The following GORAB variants were observed in gnomAD, a reference collection of about 807,000 sequenced individuals.
GORAB encodes RAB6-interacting golgin.
GORAB carries 17 observed loss-of-function variants against 29.9 expected under a neutral mutation model. That is an observed-to-expected ratio of 0.57 (90% CI 0.39 to 0.85). GORAB has a LOEUF of 0.85. Ranked by LOEUF, GORAB falls within the 40% of genes least tolerant of loss-of-function variation. GORAB has a pLI of 0.00. For synonymous variants in GORAB, 183 were observed against 157.2 expected (o/e 1.16, Z -1.23); for missense variants, 442 against 437.8 (o/e 1.01, Z -0.09).
At chr1:170,548,255 CT>C (rs1649882320) in intron 4 of GORAB, among the ~76,000 whole-genome samples, 1 of 152,226 alleles carries the variant, frequency 6.6e-6, no homozygotes, top group Non-Finnish European at 1.5e-5. Context: ...AGTTATGTTG[CT>C]TTTTCTTCTC....
intron 4 of GORAB, among the ~76,000 whole-genome samples, chr1:170,551,556 C>T (rs1650103874): frequency 6.6e-6 from 1 of 152,188 alleles, no homozygotes; most frequent in African/African-American, 2.4e-5. Context: ...TGTGCTGAAG[C>T]TAGCTTACCC....
rs1354624598 is a variant in GORAB, at chr1:170,539,568, G to A, written c.419+1G>A. 2 of 1,613,650 alleles carry A rather than the reference G, an allele frequency of 1.2e-6. No homozygotes were observed. Among genetic ancestry groups the A allele is most frequent in the African/African-American group, 1.3e-5 (1 of 74,904 alleles). On this transcript the variant is annotated splice_donor_variant, in intron 2 of 4. Transcript: ENST00000367763. LOFTEE classifies it high-confidence loss of function. ...AATTGGAGAAAAAGAAAGTGGAATT[G>A]TTAGTAAGTCTATGTGAAAAGTCCA...
At chr1:170,533,521 CAAAGTTATGTGA>C (rs1231847101) in intron 1 of GORAB, 3 of 453,314 alleles carry the variant, frequency 6.6e-6, no homozygotes, top group Non-Finnish European at 1.3e-5. Context: ...AGACAAACCA[CAAAGTTATGTGA>C]TAGTAGATAT....
intron 1 of GORAB, among the ~76,000 whole-genome samples, chr1:170,534,063 G>C (rs1468909767): frequency 6.6e-6 from 1 of 152,154 alleles, no homozygotes; most frequent in Non-Finnish European, 1.5e-5. Context: ...GGAGACCCCT[G>C]TATGGGCATT....
chr1:170,552,000 T>C lies in GORAB; in HGVS notation c.663-15T>C. Reference sequence around the variant, plus strand: ...TGGAAAACTGATGGACCTATCTTTATACACATCCTTACAGGAAGCGGTTTG... The same window carrying C: ...TGGAAAACTGATGGACCTATCTTTACACACATCCTTACAGGAAGCGGTTTG... On this transcript the variant is annotated splice_polypyrimidine_tract_variant and intron_variant, in intron 4 of 4. Coordinates refer to ENST00000367763, the MANE Select transcript of GORAB (RefSeq NM_152281.3). 2 of 1,609,468 alleles carry C rather than the reference T, an allele frequency of 1.2e-6. No homozygotes were observed. The highest frequency in any genetic ancestry group is 1.7e-6 in the Non-Finnish European group (2 of 1,176,054).
In GORAB at chr1:170,553,810, C is replaced by G. The variant is rs1435057764; in HGVS notation, c.*1348C>G. 1 of 452,762 alleles carries G rather than the reference C, an allele frequency of 2.2e-6. No homozygotes were observed. Among genetic ancestry groups the G allele is most frequent in the Non-Finnish European group, 4.4e-6 (1 of 226,466 alleles). The allele number at this position is 452,762 out of a possible 1,614,324, so 28.0% of individuals were successfully genotyped here. On this transcript the variant is annotated 3_prime_UTR_variant, in exon 5 of 5. Coordinates refer to ENST00000367763, the MANE Select transcript of GORAB (RefSeq NM_152281.3). The stretch of plus-strand genomic sequence containing the variant: ...TTCATTGTCTAACACACTTCTTTTT[C>G]TAAGGAATAAACAAGTCTGATGTAC...
rs1323829311 is a variant in GORAB at position 170,539,470 on chromosome 1, A to G, written c.322A>G (p.Lys108Glu). The G allele has an allele frequency of 6.2e-7, 1 of 1,613,990 alleles. No homozygotes were observed. Among genetic ancestry groups the G allele is most frequent in the Non-Finnish European group, 8.5e-7 (1 of 1,179,994 alleles). The change falls in exon 2 of 5, where the codon AAG (lysine) becomes GAG (glutamate). Residue 108 changes from lysine (K) to glutamate (E), a missense_variant. Transcript: ENST00000367763. ...GQPQGIESQP[K>E]ELGLENSHDG... Reference sequence around the variant, plus strand: ...ACCACAGGGCATTGAAAGTCAGCCAAAGGAACTGGGACTTGAGAATTCCCA... The same window carrying G: ...ACCACAGGGCATTGAAAGTCAGCCAGAGGAACTGGGACTTGAGAATTCCCA...
At position 170,539,325 on chromosome 1, in the gene GORAB, A is replaced by T; in HGVS notation, c.177A>T (p.Ser59=). Residue 59 remains serine (S), a synonymous_variant, in exon 2 of 5, where the codon TCA becomes TCT. Transcript: ENST00000367763. ...QKLGLQDGST[S]LLPEQLLSAP... is the part of the protein sequence containing the mutation. ...TTGGGCTTCAAGATGGATCAACCTC[A>T]TTACTTCCAGAGCAGCTGCTTTCAG... The T allele has an allele frequency of 6.2e-7, 1 of 1,614,176 alleles. No individual in the cohort carries two copies. Among genetic ancestry groups the T allele is most frequent in the South Asian group, 1.1e-5 (1 of 91,084 alleles).
intron 3 of GORAB, among the ~76,000 whole-genome samples, chr1:170,543,265 T>C (rs548421395): frequency 1.9e-4 from 29 of 152,364 alleles, no homozygotes; most frequent in African/African-American, 7.0e-4. Context: ...GCTGAGTTTG[T>C]AGTTTCTGTC....
At chr1:170,532,393 C>A in intron 1 of GORAB, 109 bp downstream of exon 1, 1 of 1,228,964 alleles carries the variant, frequency 8.1e-7, no homozygotes, top group Non-Finnish European at 1.2e-6. Context: ...TTTGTGTTAG[C>A]GGAAGGCGCT....
rs1650279404 is a variant in GORAB at position 170,553,802 on chromosome 1, T to C, written c.*1340T>C. On this transcript the variant is annotated 3_prime_UTR_variant, in exon 5 of 5. Coordinates refer to ENST00000367763, the MANE Select transcript of GORAB (RefSeq NM_152281.3). ...CCAACAGTTTCATTGTCTAACACAC[T>C]TCTTTTTCTAAGGAATAAACAAGTC... 1 of 453,142 alleles carries C rather than the reference T, an allele frequency of 2.2e-6. No homozygotes were observed. Among genetic ancestry groups the C allele is most frequent in the African/African-American group, 2.0e-5 (1 of 49,982 alleles). 28.1% of individuals were successfully genotyped at this position (453,142 alleles called of 1,614,324 possible). A position where few individuals can be genotyped will look rare whatever the true frequency, so the allele number is the denominator to read the frequency against.
chr1:170,545,101 C>T, intron 4 of GORAB: 1 of 1,132,738 alleles, frequency 8.8e-7, no homozygotes, highest in Admixed American at 4.5e-5. Flanking sequence ...TTAGTCTTTG[C>T]TGCGAAACCC....
rs978627592 is a variant in GORAB, at chr1:170,553,564, A to G, written c.*1102A>G. On this transcript the variant is annotated 3_prime_UTR_variant, in exon 5 of 5. Transcript: ENST00000367763. ...ATTATCAGAGAACATAAGCACAAGTATAAGATTGTATCCATAAAAGTTTCT... is the reference window on the plus strand; with the variant it reads ...ATTATCAGAGAACATAAGCACAAGTGTAAGATTGTATCCATAAAAGTTTCT... The G allele has an allele frequency of 4.5e-6, 2 of 447,458 alleles. No individual in the cohort carries two copies. The highest frequency in any genetic ancestry group is 8.9e-6 in the Non-Finnish European group (2 of 225,258). The allele number at this position is 447,458 out of a possible 1,614,324, so 27.7% of individuals were successfully genotyped here.
At chr1:170,544,565 C>A in intron 3 of GORAB, 140 bp from the exon 4 acceptor site, 1 of 602,214 alleles carries the variant, frequency 1.7e-6, no homozygotes, top group Non-Finnish European at 2.7e-6. Context: ...TACTTTATTT[C>A]AATTTTTCTG....
chr1:170,545,109 C>A (rs909904223), intron 4 of GORAB: 5 of 1,126,602 alleles, frequency 4.4e-6, no homozygotes, highest in Non-Finnish European at 5.4e-6. Flanking sequence ...TGCTGCGAAA[C>A]CCTCAGCTAT....
intron 3 of GORAB, among the ~76,000 whole-genome samples, chr1:170,542,850 A>G (rs1476108152): frequency 1.3e-5 from 2 of 151,954 alleles, no homozygotes; most frequent in African/African-American, 4.8e-5. Context: ...TAGTGCTCCC[A>G]GTTTTAACCA....
chr1:170,538,892 G>A lies in GORAB; in HGVS notation c.62-318G>A, dbSNP rs187935151. ...CTCCCTGATTTGGTCAAAATTAGTT[G>A]CTTTCTTTTGACAACTATGAAATCA... On this transcript the variant is annotated intron_variant, in intron 1 of 4. Coordinates refer to ENST00000367763, the MANE Select transcript of GORAB (RefSeq NM_152281.3). 6.9e-4 allele frequency among the ~76,000 whole-genome samples: 105 copies of A among 152,198 alleles called. 1 individual carries two copies. The highest frequency in any genetic ancestry group is 2.4e-3 in the African/African-American group (100 of 41,542).
chr1:170,541,315 C>G (rs1649409580), intron 2 of GORAB, among the ~76,000 whole-genome samples: 1 of 151,786 alleles, frequency 6.6e-6, no homozygotes, highest in Non-Finnish European at 1.5e-5. Context: ...CAGGGGATGC[C>G]TTCCTTCCTA....
intron 1 of GORAB, 43 bp downstream of exon 1, chr1:170,532,327 G>A (rs760956912): frequency 6.9e-6 from 11 of 1,603,914 alleles, no homozygotes; most frequent in Admixed American, 1.7e-5. Flanking sequence ...TGGGTCTTAA[G>A]GGGAAGAGGC....
Sources: allele counts gnomAD v4.1 joint callset (sites outside exome capture counted in the v4.1 genomes callset), GRCh38; gene constraint gnomAD v4.1.1; transcripts MANE v1.5; gene names NCBI Gene and HGNC (gene_info 2026-07-23, HGNC 2026-07-21).